Variants in IL1RAPL1 observed in about 807,000 individuals in gnomAD.
IL1RAPL1 encodes the protein interleukin 1 receptor accessory protein like 1.
A neutral mutation model predicts 48.4 loss-of-function variants in IL1RAPL1; 3 were observed. The observed-to-expected ratio is 0.06, with a 90% confidence interval of 0.03 to 0.16. IL1RAPL1 has a LOEUF of 0.16. IL1RAPL1 is among the 10% of genes least tolerant of loss of function. IL1RAPL1 has a pLI of 1.00. For synonymous variants in IL1RAPL1, 185 were observed against 187.7 expected (o/e 0.99, Z 0.12); for missense variants, 349 against 530.6 (o/e 0.66, Z 3.36).
chrX:29,350,017 T>C (rs1933201644), intron 3 of IL1RAPL1, among the ~76,000 whole-genome samples: 1 of 106,187 alleles, frequency 9.4e-6, no homozygotes, highest in African/African-American at 3.5e-5. Context: ...TGAGGGCATA[T>C]GTCCACCTCT....
At chrX:29,049,828 A>G (rs190928726) in intron 2 of IL1RAPL1, among the ~76,000 whole-genome samples, 11 of 112,351 alleles carry the variant, frequency 9.8e-5, no homozygotes, top group Non-Finnish European at 1.3e-4. Context: ...TTTTTATCCA[A>G]TTTTGCTAAA....
intron 2 of IL1RAPL1, among the ~76,000 whole-genome samples, chrX:29,189,620 T>C (rs775429517): frequency 9.0e-6 from 1 of 111,518 alleles, no homozygotes; most frequent in African/African-American, 3.2e-5. Context: ...CTGGTAAATA[T>C]GAAAAGAACA....
At chrX:29,265,307 G>A (rs1931933971) in intron 2 of IL1RAPL1, among the ~76,000 whole-genome samples, 1 of 109,616 alleles carries the variant, frequency 9.1e-6, no homozygotes, top group African/African-American at 3.3e-5. Flanking sequence ...TATGAATTAT[G>A]AATATTATGA....
At chrX:29,483,986 C>A (rs1935068822) in intron 5 of IL1RAPL1, among the ~76,000 whole-genome samples, 2 of 99,724 alleles carry the variant, frequency 2.0e-5, no homozygotes, top group Admixed American at 2.2e-4. Flanking sequence ...AGCCACTGCA[C>A]CTGGCCCAGT....
intron 6 of IL1RAPL1, among the ~76,000 whole-genome samples, chrX:29,782,880 A>T (rs1166743621): frequency 1.2e-5 from 1 of 85,940 alleles, no homozygotes; most frequent in Admixed American, 1.4e-4. Context: ...AAATGGGTTG[A>T]TCGTGACATT....
intron 1 of IL1RAPL1, among the ~76,000 whole-genome samples, chrX:28,647,181 T>A (rs1054230943): frequency 8.9e-6 from 1 of 112,482 alleles, no homozygotes; most frequent in Non-Finnish European, 1.9e-5. Flanking sequence ...ATGCTAATTT[T>A]AAAAATTAAT....
intron 1 of IL1RAPL1, among the ~76,000 whole-genome samples, chrX:28,595,809 A>G (rs1308707988): frequency 9.0e-6 from 1 of 111,596 alleles, no homozygotes; most frequent in African/African-American, 3.3e-5. Flanking sequence ...GTTTTTGGAT[A>G]CCCCTATTAA....
intron 2 of IL1RAPL1, among the ~76,000 whole-genome samples, chrX:29,221,620 T>TACACACACACACACACACACACAC (rs35088625): frequency 1.3e-5 from 1 of 79,566 alleles, no homozygotes; most frequent in South Asian, 7.7e-4. Flanking sequence ...TACACACACA[T>TACACACACACACACACACACACAC]ACACACACAC....
At chrX:29,231,656 C>T (rs1052886338) in intron 2 of IL1RAPL1, among the ~76,000 whole-genome samples, 4 of 111,717 alleles carry the variant, frequency 3.6e-5, no homozygotes, top group African/African-American at 1.3e-4. Context: ...GGTAACTATA[C>T]AGAGTCCTAG....
intron 3 of IL1RAPL1, among the ~76,000 whole-genome samples, chrX:29,310,051 A>G (rs1201262619): frequency 2.7e-4 from 24 of 87,836 alleles, no homozygotes; most frequent in African/African-American, 8.9e-4. Flanking sequence ...CCGAGATTGC[A>G]CCACTGCACT....
intron 5 of IL1RAPL1, among the ~76,000 whole-genome samples, chrX:29,561,725 T>C (rs1469995615): frequency 1.8e-5 from 2 of 111,530 alleles, no homozygotes; most frequent in African/African-American, 6.5e-5. Context: ...GGATCATTTT[T>C]TTCTCCCATG....
chrX:28,590,666 T>C (rs781763016), intron 1 of IL1RAPL1, among the ~76,000 whole-genome samples: 1 of 111,885 alleles, frequency 8.9e-6, no homozygotes, highest in Non-Finnish European at 1.9e-5. Flanking sequence ...TTTCCAACTA[T>C]GTGCACAAAT....
intron 2 of IL1RAPL1, among the ~76,000 whole-genome samples, chrX:28,903,544 CT>C (rs1207230758): frequency 1.1e-4 from 12 of 109,410 alleles, no homozygotes; most frequent in Non-Finnish European, 2.3e-4. Flanking sequence ...GCATTTCGTT[CT>C]TCTGCATGTA....
intron 1 of IL1RAPL1, among the ~76,000 whole-genome samples, chrX:28,735,136 T>C (rs753750947): frequency 2.8e-4 from 31 of 112,084 alleles, no homozygotes; most frequent in Non-Finnish European, 4.9e-4. Flanking sequence ...TCCAATTCTT[T>C]AGAATTGGTA....
In IL1RAPL1 at chrX:29,404,538, A is replaced by C. The variant is rs369869642; in HGVS notation, c.703+5230A>C. Among the ~76,000 whole-genome samples, 6 of 111,887 alleles carry C rather than the reference A, an allele frequency of 5.4e-5. No homozygotes were observed. In the East Asian group the frequency reaches 1.7e-3, roughly 31 times the overall value. On this transcript the variant is annotated intron_variant, in intron 5 of 10. Transcript: ENST00000378993. ...CTGTGTAGTACAGATACCTTATTAC[A>C]GAGTACTCCCAGTTCCTCTCTCCTA... is the stretch of plus-strand genomic sequence containing the variant.
chrX:28,908,323 C>T (rs764662564), intron 2 of IL1RAPL1, among the ~76,000 whole-genome samples: 1 of 111,402 alleles, frequency 9.0e-6, no homozygotes, highest in Non-Finnish European at 1.9e-5. Flanking sequence ...TTTTGCAGTA[C>T]ATGTACCTAA....
intron 2 of IL1RAPL1, among the ~76,000 whole-genome samples, chrX:28,792,816 A>AAAAATATAT (rs1936562170): frequency 9.9e-5 from 1 of 10,109 alleles, no homozygotes; most frequent in African/African-American, 3.4e-4. Flanking sequence ...AAAAAAAAAA[A>AAAAATATAT]ATATATATAT....
chrX:29,360,639 C>T (rs779539083), intron 3 of IL1RAPL1, among the ~76,000 whole-genome samples: 3 of 111,362 alleles, frequency 2.7e-5, no homozygotes, highest in East Asian at 2.8e-4. Flanking sequence ...AATTTTGTAA[C>T]GCTGATTCTT....
intron 2 of IL1RAPL1, among the ~76,000 whole-genome samples, chrX:28,899,602 T>C (rs1220026856): frequency 1.8e-5 from 2 of 112,514 alleles, no homozygotes; most frequent in Non-Finnish European, 3.7e-5. Context: ...CTATAACCTC[T>C]ATACTGCTTC....
Sources: allele counts gnomAD v4.1 joint callset (sites outside exome capture counted in the v4.1 genomes callset), GRCh38; gene constraint gnomAD v4.1.1; transcripts MANE v1.5; gene names NCBI Gene and HGNC (gene_info 2026-07-23, HGNC 2026-07-21).